The following ARHGEF10L variants were observed in gnomAD, a reference collection of about 807,000 sequenced individuals.
ARHGEF10L encodes Rho guanine nucleotide exchange factor 10 like.
In ARHGEF10L, 69 loss-of-function variants were observed where a neutral mutation model predicts 141.2. The ratio of observed to expected loss-of-function variants is 0.49; its 90% confidence interval spans 0.40 to 0.60. The LOEUF (loss-of-function observed/expected upper bound fraction) is 0.60, where lower values mean the gene tolerates loss of function less well. Among genes scored for constraint, ARHGEF10L ranks in the 20% least tolerant of loss-of-function variants. The probability of loss-of-function intolerance (pLI) is 0.00; values close to 1 mark genes in which losing one functional copy is unlikely to be tolerated. For missense variants in ARHGEF10L, 1,482 were observed against 1,734.3 expected, an observed-to-expected ratio of 0.85 and a Z score of 2.58; for synonymous variants, 711 against 718.5, an observed-to-expected ratio of 0.99 and a Z score of 0.17.
intron 1 of ARHGEF10L, among the ~76,000 whole-genome samples, chr1:17,578,448 G>A (rs1401556729): frequency 6.6e-6 from 1 of 152,216 alleles, no homozygotes; most frequent in Non-Finnish European, 1.5e-5. Context: ...ACTTGTTGAG[G>A]TCAACAAGGG....
chr1:17,644,442 G>T lies in ARHGEF10L; in HGVS notation c.2273-4112G>T, dbSNP rs2061479758. The stretch of plus-strand genomic sequence containing the variant: ...CTCCTCTCCAGGAGTAGGGCCGAGG[G>T]CGTGGCCTTGGAGTCCGACCCTGGT... On this transcript the variant is annotated intron_variant, in intron 21 of 28. Transcript: ENST00000361221. This position sits in a 1 kb window ranked among gnomAD's most constrained non-coding sequence, Gnocchi z 4.5. Among the ~76,000 whole-genome samples, 1 of 152,234 alleles carries T rather than the reference G, an allele frequency of 6.6e-6. No homozygotes were observed. Among genetic ancestry groups the T allele is most frequent in the Non-Finnish European group, 1.5e-5 (1 of 68,040 alleles).
chr1:17,560,126 C>T (rs1478471482), intron 1 of ARHGEF10L, among the ~76,000 whole-genome samples: 2 of 152,252 alleles, frequency 1.3e-5, no homozygotes, highest in South Asian at 4.2e-4. Context: ...AGCAGGTGCC[C>T]TCCAGGGGAA....
chr1:17,624,805 C>T (rs1254464663), intron 13 of ARHGEF10L, among the ~76,000 whole-genome samples: 2 of 152,190 alleles, frequency 1.3e-5, no homozygotes, highest in African/African-American at 2.4e-5. Context: ...GTGGGTCTGC[C>T]TGGCTGGCCC....
chr1:17,532,324 C>A, the ARHGEF10L span, among the ~76,000 whole-genome samples: 48 of 152,284 alleles, frequency 3.2e-4, no homozygotes, highest in Non-Finnish European at 6.0e-4. Context: ...TGCCAGGAAG[C>A]AAAGACCTTG....
chr1:17,521,931 G>A, the ARHGEF10L span, among the ~76,000 whole-genome samples: 14 of 152,126 alleles, frequency 9.2e-5, no homozygotes, highest in East Asian at 3.9e-4. Context: ...TTCTTCTCCC[G>A]TCACCTGCTT....
chr1:17,553,155 C>T (rs1233821686), intron 1 of ARHGEF10L, among the ~76,000 whole-genome samples: 1 of 152,198 alleles, frequency 6.6e-6, no homozygotes, highest in East Asian at 1.9e-4. Context: ...TCCTTTCACT[C>T]CTCCAGGGCC....
chr1:17,576,100 GC>G (rs2078211373), intron 1 of ARHGEF10L, among the ~76,000 whole-genome samples: 1 of 152,038 alleles, frequency 6.6e-6, no homozygotes, highest in Admixed American at 6.5e-5. Flanking sequence ...GACTTTCAGG[GC>G]CCCCAAGTGT....
upstream of ARHGEF10L, among the ~76,000 whole-genome samples, chr1:17,536,098 C>G (rs1256537555): frequency 1.3e-5 from 2 of 152,186 alleles, no homozygotes; most frequent in African/African-American, 2.4e-5. Flanking sequence ...ACCATAGTGT[C>G]TGGGGGATGG....
chr1:17,643,573 T>C lies in ARHGEF10L; in HGVS notation c.2272+3271T>C, dbSNP rs542224631. Among the ~76,000 whole-genome samples, 63 of 152,302 alleles carry C rather than the reference T, an allele frequency of 4.1e-4. No homozygotes were observed. In the South Asian group the frequency reaches 0.011, roughly 28 times the overall value. On this transcript the variant is annotated intron_variant, in intron 21 of 28. Transcript: ENST00000361221. ...CAGTAAGGGGTGGTCCTCAGCACCA[T>C]GGGAAATGGAGCTAGACCATGTGGG...
At chr1:17,551,748 A>G (rs535091443) in intron 1 of ARHGEF10L, among the ~76,000 whole-genome samples, 5 of 152,062 alleles carry the variant, frequency 3.3e-5, no homozygotes, top group Non-Finnish European at 7.4e-5. Flanking sequence ...TCTCTTCCAA[A>G]AAGATTTCCG....
At chr1:17,556,252 T>G (rs1570443271) in intron 1 of ARHGEF10L, among the ~76,000 whole-genome samples, 1 of 44,684 alleles carries the variant, frequency 2.2e-5, no homozygotes, top group African/African-American at 9.7e-5. Context: ...AGCATAGAGG[T>G]GGGCCTGGGA....
At position 17,644,443 on chromosome 1, in the gene ARHGEF10L, C is replaced by T. The variant is rs1023930366; in HGVS notation, c.2273-4111C>T. On this transcript the variant is annotated intron_variant, in intron 21 of 28. Transcript: ENST00000361221. This position sits in a 1 kb window ranked among gnomAD's most constrained non-coding sequence, Gnocchi z 4.5. ...TCCTCTCCAGGAGTAGGGCCGAGGG[C>T]GTGGCCTTGGAGTCCGACCCTGGTT... is the stretch of plus-strand genomic sequence containing the variant. Among the ~76,000 whole-genome samples, 1 of 152,220 alleles carries T rather than the reference C, an allele frequency of 6.6e-6. No individual in the cohort carries two copies. Among genetic ancestry groups the T allele is most frequent in the Non-Finnish European group, 1.5e-5 (1 of 68,034 alleles).
chr1:17,680,173 C>T (rs552727855), intron 26 of ARHGEF10L, among the ~76,000 whole-genome samples: 21 of 152,244 alleles, frequency 1.4e-4, no homozygotes, highest in South Asian at 4.1e-4. Flanking sequence ...TGGGACGCTG[C>T]GCGCACAGTG....
chr1:17,554,605 T>TTTTTTG (rs2077236850), intron 1 of ARHGEF10L, among the ~76,000 whole-genome samples: 1 of 139,710 alleles, frequency 7.2e-6, no homozygotes. Flanking sequence ...TTTTTTTTTT[T>TTTTTTG]GACAGGGTCT....
chr1:17,687,736 T>C lies in ARHGEF10L; in HGVS notation c.3173T>C (p.Phe1058Ser). The change falls in exon 27 of 29, where the codon TTC becomes TCC. Residue 1058 changes from phenylalanine to serine, a missense_variant. Coordinates refer to ENST00000361221, the MANE Select transcript of ARHGEF10L (RefSeq NM_018125.4). ...QEINIATRTT[F>S]LLPGQKHLCV... Reference sequence around the variant, plus strand: ...ATCAACATCGCCACCAGGACCACCTTCCTCCTGCCAGGTGAGGCTGCCTCG... The same window carrying C: ...ATCAACATCGCCACCAGGACCACCTCCCTCCTGCCAGGTGAGGCTGCCTCG... 6.3e-7 allele frequency: 1 copy of C among 1,580,796 alleles called. No homozygotes were observed. Among genetic ancestry groups the C allele is most frequent in the South Asian group, 1.2e-5 (1 of 86,124 alleles).
the ARHGEF10L span, among the ~76,000 whole-genome samples, chr1:17,518,304 C>T: frequency 6.6e-6 from 1 of 152,178 alleles, no homozygotes; most frequent in African/African-American, 2.4e-5. Flanking sequence ...TGTGTGCAGA[C>T]TGCTGATCCG....
chr1:17,544,979 T>C (rs2076866180), intron 1 of ARHGEF10L, among the ~76,000 whole-genome samples: 2 of 152,148 alleles, frequency 1.3e-5, no homozygotes. Flanking sequence ...GGGGAAAACC[T>C]GCCCCTGTGA....
chr1:17,627,310 T>G lies in ARHGEF10L; in HGVS notation c.1411-20T>G. 1 of 1,610,326 alleles carries G rather than the reference T, an allele frequency of 6.2e-7. No homozygotes were observed. The highest frequency in any genetic ancestry group is 8.5e-7 in the Non-Finnish European group (1 of 1,177,278). ...AGTTGGTCATGGGTGGGCTGCTCAG[T>G]CTCTGCTCTGACCTGGCAGGACATG... On this transcript the variant is annotated intron_variant, in intron 14 of 28. Transcript: ENST00000361221. This position sits in a 1 kb window ranked among gnomAD's most constrained non-coding sequence, Gnocchi z 4.0.
chr1:17,634,625 T>A (rs982773316), intron 17 of ARHGEF10L, 63 bp downstream of exon 17: 11 of 1,595,730 alleles, frequency 6.9e-6, no homozygotes, highest in Non-Finnish European at 8.6e-6. Flanking sequence ...TGGTGCCATG[T>A]GATTCTGGAT....
Sources: gnomAD v4.1 joint callset for allele counts (sites outside exome capture counted in the v4.1 genomes callset) on GRCh38, gnomAD v4.1.1 for gene constraint, Gnocchi (gnomAD v3.1) non-coding constraint, MANE v1.5 for transcripts, NCBI Gene and HGNC (gene_info 2026-07-23, HGNC 2026-07-21) for gene names.